PIK3C2B: variants seen among roughly 807,000 people sequenced by gnomAD.
PIK3C2B encodes phosphatidylinositol 4-phosphate 3-kinase C2 domain-containing subunit beta.
PIK3C2B carries 83 observed loss-of-function variants against 184.3 expected under a neutral mutation model. That is an observed-to-expected ratio of 0.45 (90% CI 0.38 to 0.54). The LOEUF is 0.54. Among genes scored for constraint, PIK3C2B ranks in the 20% least tolerant of loss-of-function variants. PIK3C2B has a pLI of 0.00. For missense variants in PIK3C2B, 1,736 were observed against 2,113.5 expected (o/e 0.82, Z 3.50); for synonymous variants, 779 against 837.6 (o/e 0.93, Z 1.21).
intron 32 of PIK3C2B, among the ~76,000 whole-genome samples, chr1:204,425,319 C>T (rs75175984): frequency 6.6e-6 from 1 of 152,138 alleles, no homozygotes; most frequent in Non-Finnish European, 1.5e-5. Flanking sequence ...CTTCTCCTTC[C>T]CACAGGATAG....
chr1:204,471,963 A>ATT (rs34887718), intron 1 of PIK3C2B, among the ~76,000 whole-genome samples: 13 of 151,378 alleles, frequency 8.6e-5, no homozygotes, highest in African/African-American at 3.2e-4. Context: ...CAAAATATTG[A>ATT]TTTTTTTTTT....
chr1:204,469,142 G>C lies in PIK3C2B; in HGVS notation c.661C>G (p.Arg221Gly). The change falls in exon 2 of 33, where the codon CGC becomes GGC. Residue 221 changes from arginine to glycine, a missense_variant. By Grantham distance (125) the Arg-to-Gly change is moderately radical (BLOSUM62 -2). Around this residue, in one of 8 missense-constraint regions of PIK3C2B, gnomAD observed 404 missense variants for 418.0 expected, o/e 0.97. Coordinates refer to ENST00000684373, the MANE Select transcript of PIK3C2B (RefSeq NM_001377334.1). The stretch of plus-strand genomic sequence containing the variant: ...TCATAGTCCACAGACCCCAGTAGGC[G>C]CCCCTGACCCCCACCTCCCAGCACC... Reference protein sequence around the residue: ...EEVLGGGGQGRLLGSVDYDGI... With the variant: ...EEVLGGGGQGGLLGSVDYDGI... 6.2e-7 allele frequency: 1 copy of C among 1,614,118 alleles called. No individual in the cohort carries two copies. The highest frequency in any genetic ancestry group is 8.5e-7 in the Non-Finnish European group (1 of 1,179,998).
At chr1:204,485,721 G>A (rs947413210) in intron 1 of PIK3C2B, among the ~76,000 whole-genome samples, 5 of 151,988 alleles carry the variant, frequency 3.3e-5, no homozygotes, top group Non-Finnish European at 7.4e-5. Flanking sequence ...GACTACAGAC[G>A]TGGTCGCCAC....
At position 204,433,819 on chromosome 1, in the gene PIK3C2B, G is replaced by A. The variant is rs1443028142; in HGVS notation, c.3817C>T (p.His1273Tyr). 3.1e-6 allele frequency: 5 copies of A among 1,614,184 alleles called. No homozygotes were observed. Among genetic ancestry groups the A allele is most frequent in the Admixed American group, 1.7e-5 (1 of 60,028 alleles). The change falls in exon 25 of 33, where the codon CAC (histidine) becomes TAC (tyrosine). Residue 1273 changes from histidine to tyrosine, a missense_variant. Physicochemically the swap from His to Tyr is moderately conservative, Grantham distance 83 (BLOSUM62 2). Transcript: ENST00000684373. This position sits in a 1 kb window ranked among gnomAD's most constrained non-coding sequence, Gnocchi z 5.0. The stretch of plus-strand genomic sequence containing the variant: ...AGGCCCAGAAGGTTGAGGAAGAGGT[G>A]GGTGTGCTTGCGAATGAGGTTGTAG... ...QAYNLIRKHTHLFLNLLGLML... is the reference protein window; with the variant it reads ...QAYNLIRKHTYLFLNLLGLML...
At chr1:204,437,409 C>T (rs902393836) in intron 23 of PIK3C2B, among the ~76,000 whole-genome samples, 10 of 152,100 alleles carry the variant, frequency 6.6e-5, no homozygotes, top group Non-Finnish European at 1.2e-4. Flanking sequence ...GCAGGAGAAT[C>T]GCTTGAATCC....
Position 204,457,781 on chromosome 1 carries a change from C to T in PIK3C2B, c.1660G>A (p.Ala554Thr). ...GGGCAGGGGGGCAGCTGGTTGAGAG[C>T]ACTGGTGATCTCAGGGGTTTCCACG... ...AAVETPEITS[A>T]LNQLPPCPSR... The change falls in exon 9 of 33, where the codon GCT becomes ACT. Residue 554 changes from alanine (A) to threonine (T), a missense_variant. Ala to Thr is a moderately conservative substitution (Grantham distance 58). This residue lies in a region of PIK3C2B where 609 missense variants were observed against 699.2 expected (regional missense o/e 0.87). Transcript: ENST00000684373. 2 of 1,613,380 alleles carry T rather than the reference C, an allele frequency of 1.2e-6. No individual in the cohort carries two copies. Among genetic ancestry groups the T allele is most frequent in the Non-Finnish European group, 1.7e-6 (2 of 1,179,702 alleles).
At chr1:204,444,564 G>A in intron 16 of PIK3C2B, 140 bp from the exon 17 acceptor site, 1 of 635,522 alleles carries the variant, frequency 1.6e-6, no homozygotes, top group South Asian at 1.9e-5. Flanking sequence ...GTCACTAGAA[G>A]AATCCTTAGC....
At chr1:204,429,397 G>A (rs563376470) in intron 29 of PIK3C2B, among the ~76,000 whole-genome samples, 2 of 152,146 alleles carry the variant, frequency 1.3e-5, no homozygotes, top group South Asian at 4.1e-4. Flanking sequence ...TAAATGCTAA[G>A]GGAAAAAAGC....
intron 1 of PIK3C2B, among the ~76,000 whole-genome samples, chr1:204,489,485 A>T (rs374109851): frequency 9.4e-4 from 49 of 52,130 alleles, no homozygotes; most frequent in African/African-American, 1.1e-3. Context: ...CTTTTAATTT[A>T]AAAAAAAAAA....
chr1:204,450,267 C>A, intron 12 of PIK3C2B: 1 of 414,960 alleles, frequency 2.4e-6, no homozygotes. Context: ...GGCGAACATC[C>A]CGATTTTGAA....
intron 2 of PIK3C2B, 79 bp downstream of exon 2, chr1:204,468,791 T>G: frequency 2.4e-6 from 3 of 1,274,644 alleles, no homozygotes; most frequent in Non-Finnish European, 3.3e-6. Flanking sequence ...CAGAGTTGGA[T>G]GTAGAACAGC....
In PIK3C2B at chr1:204,455,870, G is replaced by T; in HGVS notation, c.1929C>A (p.Ile643=). The change falls in exon 11 of 33, where the codon ATC becomes ATA. Residue 643 remains isoleucine, a synonymous_variant. Coordinates refer to ENST00000684373, the MANE Select transcript of PIK3C2B (RefSeq NM_001377334.1). ...FTVYATHRIP[I]IWATSYEDFY... Reference sequence around the variant, plus strand: ...CCTGGGCTCACCTGGTAGCCCAGATGATGGGGATGCGGTGGGTGGCATAGA... The same window carrying T: ...CCTGGGCTCACCTGGTAGCCCAGATTATGGGGATGCGGTGGGTGGCATAGA... 1 of 1,612,176 alleles carries T rather than the reference G, an allele frequency of 6.2e-7. No homozygotes were observed. The highest frequency in any genetic ancestry group is 8.5e-7 in the Non-Finnish European group (1 of 1,178,804).
chr1:204,429,986 G>A lies in PIK3C2B; in HGVS notation c.4333C>T (p.Arg1445Trp), dbSNP rs779951277. The A allele has an allele frequency of 1.1e-5, 17 of 1,611,778 alleles. No individual in the cohort carries two copies. Among genetic ancestry groups the A allele is most frequent in the Non-Finnish European group, 1.4e-5 (16 of 1,179,900 alleles). The change falls in exon 29 of 33, where the codon CGG becomes TGG. Residue 1445 changes from arginine (R) to tryptophan (W), a missense_variant. Arg to Trp is a moderately radical substitution (Grantham distance 101). Transcript: ENST00000684373. The part of the protein sequence containing the change: ...GRSRGEAVAE[R>W]RREELNGYIW... ...TAACCGTTTAGCTCCTCCCTCCGCC[G>A]CTCGGCCACCGCCTCTCCCCGGGAG...
intron 1 of PIK3C2B, among the ~76,000 whole-genome samples, chr1:204,486,427 CA>C (rs1215558412): frequency 2.4e-4 from 31 of 129,578 alleles, no homozygotes; most frequent in African/African-American, 6.3e-4. Context: ...CAAAACACAA[CA>C]AAAAAAAAAC....
chr1:204,478,030 C>A (rs1161941652), intron 1 of PIK3C2B, among the ~76,000 whole-genome samples: 1 of 152,076 alleles, frequency 6.6e-6, no homozygotes, highest in Non-Finnish European at 1.5e-5. Context: ...GAAGAATATG[C>A]AGGGTTTCAA....
At chr1:204,477,663 G>A (rs1656817150) in intron 1 of PIK3C2B, among the ~76,000 whole-genome samples, 1 of 152,218 alleles carries the variant, frequency 6.6e-6, no homozygotes, top group Admixed American at 6.5e-5. Flanking sequence ...CCAGTGGGTG[G>A]TGAGGGTTCC....
At chr1:204,457,003 C>A in intron 10 of PIK3C2B, 34 bp downstream of exon 10, 1 of 1,554,534 alleles carries the variant, frequency 6.4e-7, no homozygotes, top group Non-Finnish European at 8.7e-7. Flanking sequence ...TTTCGGCAGC[C>A]CGACTGGATG....
intron 1 of PIK3C2B, among the ~76,000 whole-genome samples, chr1:204,478,574 G>A (rs1656890948): frequency 6.6e-6 from 1 of 152,174 alleles, no homozygotes; most frequent in African/African-American, 2.4e-5. Context: ...CTTCTCTAGT[G>A]TGCGTGCCCT....
chr1:204,454,738 C>A lies in PIK3C2B; in HGVS notation c.1997G>T (p.Cys666Phe). Reference protein sequence around the residue: ...CSLSHGGKELCSPLQTRRAHF... With the variant: ...CSLSHGGKELFSPLQTRRAHF... ...AGCTCTTCGGGTCTGCAGGGGGCTGCACAGCTCCTTGCCGCCATGGCTGAG... is the reference window on the plus strand; with the variant it reads ...AGCTCTTCGGGTCTGCAGGGGGCTGAACAGCTCCTTGCCGCCATGGCTGAG... Residue 666 changes from cysteine (C) to phenylalanine (F), a missense_variant, in exon 12 of 33, where the codon TGC becomes TTC. Around this residue, in one of 8 missense-constraint regions of PIK3C2B, gnomAD observed 609 missense variants for 699.2 expected, o/e 0.87. Coordinates refer to ENST00000684373, the MANE Select transcript of PIK3C2B (RefSeq NM_001377334.1). 1.2e-6 allele frequency: 2 copies of A among 1,613,540 alleles called. No homozygotes were observed. Among genetic ancestry groups the A allele is most frequent in the Non-Finnish European group, 1.7e-6 (2 of 1,179,916 alleles).
Sources: allele counts gnomAD v4.1 joint callset (sites outside exome capture counted in the v4.1 genomes callset), GRCh38; gene constraint gnomAD v4.1.1; regional missense constraint gnomAD v4.1.1; non-coding constraint Gnocchi (gnomAD v3.1); transcripts MANE v1.5; gene names NCBI Gene and HGNC (gene_info 2026-07-23, HGNC 2026-07-21).